Variants in RAB20 observed in about 807,000 individuals in gnomAD.
RAB20 encodes the protein ras-related protein Rab-20.
A neutral mutation model predicts 3.7 loss-of-function variants in RAB20; 2 were observed. The observed-to-expected ratio is 0.54, with a 90% CI of 0.22 to 1.69. RAB20 has a LOEUF of 1.69. Ranked by LOEUF, RAB20 falls within the 40% of genes most tolerant of loss-of-function variation. The pLI, the probability that RAB20 is intolerant of heterozygous loss-of-function variation, is 0.19. For missense variants in RAB20, 276 were observed against 311.9 expected (o/e 0.88, Z 0.87); for synonymous variants, 126 against 130.8 (o/e 0.96, Z 0.25).
intron 1 of RAB20, among the ~76,000 whole-genome samples, chr13:110,551,581 A>G (rs1396474938): frequency 6.6e-6 from 1 of 152,170 alleles, no homozygotes; most frequent in African/African-American, 2.4e-5. Flanking sequence ...GTTGAAACGA[A>G]GCTGGAACCT....
intron 1 of RAB20, among the ~76,000 whole-genome samples, chr13:110,554,611 G>C (rs1378187898): frequency 1.3e-5 from 2 of 152,294 alleles, no homozygotes; most frequent in Middle Eastern, 3.4e-3. Context: ...CCCTCCTCCA[G>C]GCCCAAGATT....
chr13:110,528,493 G>A (rs956879526), intron 1 of RAB20, among the ~76,000 whole-genome samples: 1 of 151,570 alleles, frequency 6.6e-6, no homozygotes, highest in Non-Finnish European at 1.5e-5. Flanking sequence ...TTTTGTTTCA[G>A]GGACACTAAT....
At chr13:110,532,631 A>G (rs927569150) in intron 1 of RAB20, among the ~76,000 whole-genome samples, 12 of 150,518 alleles carry the variant, frequency 8.0e-5, no homozygotes, top group African/African-American at 2.7e-4. Flanking sequence ...CCCACCTTGG[A>G]CTCCCAAAAT....
intron 1 of RAB20, among the ~76,000 whole-genome samples, chr13:110,541,073 G>A (rs1311049029): frequency 3.3e-5 from 5 of 152,152 alleles, no homozygotes; most frequent in East Asian, 1.9e-4. Context: ...AGGAGGAGAC[G>A]GCCACGCTTC....
rs756284506 is a variant in RAB20 at position 110,524,101 on chromosome 13, T to A, written c.269A>T (p.Glu90Val). ...YDVNHRQSLV[E>V]LEDRFLGLTD... ...CAGGCCCAGGAACCGGTCCTCCAGCTCCACCAGGCTCTGCCGGTGATTCAC... is the reference window on the plus strand; with the variant it reads ...CAGGCCCAGGAACCGGTCCTCCAGCACCACCAGGCTCTGCCGGTGATTCAC... The change falls in exon 2 of 2, where the codon GAG becomes GTG. Residue 90 changes from glutamate (E) to valine (V), a missense_variant. Physicochemically the swap from Glu to Val is moderately radical, Grantham distance 121 (BLOSUM62 -2). Coordinates refer to ENST00000267328, the MANE Select transcript of RAB20 (RefSeq NM_017817.3). 3.1e-6 allele frequency: 5 copies of A among 1,613,128 alleles called. No individual in the cohort carries two copies. In the African/African-American group the frequency reaches 6.7e-5, roughly 22 times the overall value.
At chr13:110,547,753 T>C (rs1414764078) in intron 1 of RAB20, among the ~76,000 whole-genome samples, 2 of 152,170 alleles carry the variant, frequency 1.3e-5, no homozygotes, top group Non-Finnish European at 2.9e-5. Context: ...CTGGCACATA[T>C]TAAGTGTTGT....
intron 1 of RAB20, among the ~76,000 whole-genome samples, chr13:110,558,477 G>A (rs1362371121): frequency 2.0e-5 from 3 of 146,342 alleles, no homozygotes; most frequent in Non-Finnish European, 4.5e-5. Context: ...TCCGCCTCCA[G>A]GGTTCAAGCG....
intron 1 of RAB20, among the ~76,000 whole-genome samples, chr13:110,536,868 G>T (rs1264934827): frequency 1.3e-5 from 2 of 151,154 alleles, no homozygotes; most frequent in South Asian, 4.2e-4. Context: ...CCATGTTGGT[G>T]TGCTGCACCC....
intron 1 of RAB20, 56 bp downstream of exon 1, chr13:110,561,292 C>G (rs1056370751): frequency 1.3e-6 from 2 of 1,486,880 alleles, no homozygotes; most frequent in African/African-American, 2.9e-5. Context: ...AAGCCCCGCG[C>G]CCCCCGTCCC....
At chr13:110,532,742 G>A (rs954948211) in intron 1 of RAB20, among the ~76,000 whole-genome samples, 3 of 152,150 alleles carry the variant, frequency 2.0e-5, no homozygotes, top group East Asian at 1.9e-4. Context: ...GCAGTGGTAC[G>A]ATCATGGCTC....
At chr13:110,552,033 C>G (rs1470818313) in intron 1 of RAB20, among the ~76,000 whole-genome samples, 1 of 151,854 alleles carries the variant, frequency 6.6e-6, no homozygotes, top group Non-Finnish European at 1.5e-5. Flanking sequence ...GCCAAGATCA[C>G]AGCATTGCAT....
chr13:110,556,917 G>A (rs552878388), intron 1 of RAB20, among the ~76,000 whole-genome samples: 1 of 152,226 alleles, frequency 6.6e-6, no homozygotes, highest in Non-Finnish European at 1.5e-5. Flanking sequence ...GAGAGAGGCT[G>A]TCACGAATAT....
At chr13:110,535,343 A>C (rs1884621812) in intron 1 of RAB20, among the ~76,000 whole-genome samples, 2 of 150,844 alleles carry the variant, frequency 1.3e-5, no homozygotes, top group African/African-American at 4.8e-5. Context: ...CCTGAACACC[A>C]GGTACAGTTC....
intron 1 of RAB20, among the ~76,000 whole-genome samples, chr13:110,544,218 G>C (rs890753476): frequency 6.6e-6 from 1 of 152,186 alleles, no homozygotes; most frequent in African/African-American, 2.4e-5. Flanking sequence ...GTGTGGATTT[G>C]TTTCTGGGCA....
chr13:110,561,377 G>C lies in RAB20; in HGVS notation c.143C>G (p.Ser48Cys). 1 of 1,608,892 alleles carries C rather than the reference G, an allele frequency of 6.2e-7. No individual in the cohort carries two copies. The highest frequency in any genetic ancestry group is 8.5e-7 in the Non-Finnish European group (1 of 1,177,792). Residue 48 changes from serine to cysteine, a missense_variant, in exon 1 of 2, where the codon TCC becomes TGC. Coordinates refer to ENST00000267328, the MANE Select transcript of RAB20 (RefSeq NM_017817.3). ...GGTGTCCCAGATGGAGATGTTGTAG[G>C]AGCGCCACTGCTTCAGGTAGAAGGC... The part of the protein sequence containing the change: ...GGAFYLKQWR[S>C]YNISIWDTAG...
intron 1 of RAB20, among the ~76,000 whole-genome samples, chr13:110,557,815 G>A (rs977144045): frequency 1.3e-5 from 2 of 152,238 alleles, no homozygotes; most frequent in South Asian, 2.1e-4. Context: ...CCTCCCGGCC[G>A]CCAGGCCACG....
At chr13:110,549,339 C>A (rs1884908535) in intron 1 of RAB20, among the ~76,000 whole-genome samples, 3 of 152,346 alleles carry the variant, frequency 2.0e-5, no homozygotes, top group South Asian at 2.1e-4. Context: ...AATGCAGATT[C>A]ATTTTGCCTG....
Position 110,523,400 on chromosome 13 carries a change from G to A in RAB20, c.*265C>T. The stretch of plus-strand genomic sequence containing the variant: ...AGGACCAGTGCCAGGCAGCGGGGCA[G>A]AGAGCACCAGGGGTCTCGACTCTGC... On this transcript the variant is annotated 3_prime_UTR_variant, in exon 2 of 2. Coordinates refer to ENST00000267328, the MANE Select transcript of RAB20 (RefSeq NM_017817.3). 1.5e-6 allele frequency: 1 copy of A among 661,682 alleles called. No individual in the cohort carries two copies. The highest frequency in any genetic ancestry group is 2.4e-6 in the Non-Finnish European group (1 of 408,580). 41.0% of individuals were successfully genotyped at this position (661,682 alleles called of 1,614,324 possible).
chr13:110,523,708 C>G lies in RAB20; in HGVS notation c.662G>C (p.Ser221Thr). 1 of 1,614,228 alleles carries G rather than the reference C, an allele frequency of 6.2e-7. No individual in the cohort carries two copies. Among genetic ancestry groups the G allele is most frequent in the Non-Finnish European group, 8.5e-7 (1 of 1,180,046 alleles). Residue 221 changes from serine to threonine, a missense_variant, in exon 2 of 2, where the codon AGT (serine) becomes ACT (threonine). Physicochemically the swap from Ser to Thr is moderately conservative, Grantham distance 58 (BLOSUM62 1). Transcript: ENST00000267328. ...TCTGGTCCTCTTGGGTGGCTTATGA[C>G]TGGATATATCCACTGTGTGTGACGG... ...ERPSHTVDIS[S>T]HKPPKRTRSG...
Sources: allele counts gnomAD v4.1 joint callset (sites outside exome capture counted in the v4.1 genomes callset), GRCh38; gene constraint gnomAD v4.1.1; transcripts MANE v1.5; gene names NCBI Gene and HGNC (gene_info 2026-07-23, HGNC 2026-07-21).